FBXO11: variants seen among roughly 807,000 people sequenced by gnomAD.
FBXO11 encodes F-box only protein 11.
A neutral mutation model predicts 117.0 loss-of-function variants in FBXO11; 13 were observed. That is an observed-to-expected ratio of 0.11 (90% confidence interval 0.07 to 0.18). The LOEUF is 0.18. Ranked by LOEUF, FBXO11 falls within the 10% of genes least tolerant of loss-of-function variation. The pLI, the probability that FBXO11 is intolerant of heterozygous loss-of-function variation, is 1.00. For missense variants in FBXO11, 767 were observed against 1,164.4 expected, an observed-to-expected ratio of 0.66 and a Z score of 4.97; for synonymous variants, 490 against 380.5, an observed-to-expected ratio of 1.29 and a Z score of -3.35.
At chr2:47,824,473 CAG>C (rs1671605552) in intron 11 of FBXO11, among the ~76,000 whole-genome samples, 2 of 152,120 alleles carry the variant, frequency 1.3e-5, no homozygotes, top group Admixed American at 6.5e-5. Flanking sequence ...GCCTGGACAA[CAG>C]AGTCTCAAAA....
rs753725779 is a variant in FBXO11, at chr2:47,832,637, T to C, written c.1195A>G (p.Thr399Ala). Residue 399 changes from threonine (T) to alanine (A), a missense_variant, in exon 10 of 23, where the codon ACC becomes GCC. By Grantham distance (58) the Thr-to-Ala change is moderately conservative. Around this residue, in one of 10 missense-constraint regions of FBXO11, gnomAD observed 123 missense variants for 145.0 expected, o/e 0.85. Transcript: ENST00000403359. Reference sequence around the variant, plus strand: ...TCACTGATGTTACAGTGCTTGATGGTGGGACATGCTCCTTGACCACTAACA... The same window carrying C: ...TCACTGATGTTACAGTGCTTGATGGCGGGACATGCTCCTTGACCACTAACA... The part of the protein sequence containing the change: ...VCVSGQGACP[T>A]IKHCNISDCE... The C allele has an allele frequency of 6.2e-7, 1 of 1,613,958 alleles. No individual in the cohort carries two copies. The highest frequency in any genetic ancestry group is 8.5e-7 in the Non-Finnish European group (1 of 1,179,948).
At chr2:47,884,075 C>T (rs1261418629) in intron 1 of FBXO11, among the ~76,000 whole-genome samples, 4 of 152,074 alleles carry the variant, frequency 2.6e-5, no homozygotes, top group Admixed American at 6.6e-5. Flanking sequence ...AAAAAGTTAG[C>T]CGGGCCTGTG....
rs1209566583 is a variant in FBXO11 at position 47,905,574 on chromosome 2, CGGCGGCGGCGGAGGCTGCTGCTGG to C, written c.123_146del (p.Pro45_Gln52del). ...GAGGCTGCTGCTGCTGCTGCTGCTGCGGCGGCGGCGGAGGCTGCTGCTGGGGCGGCTGCTGCTGGGGCGGCTGCG... is the reference window on the plus strand; with the variant it reads ...GAGGCTGCTGCTGCTGCTGCTGCTGCGGCGGCTGCTGCTGGGGCGGCTGCG... On this transcript the variant is annotated inframe_deletion, in exon 1 of 23. Coordinates refer to ENST00000403359, the MANE Select transcript of FBXO11 (RefSeq NM_001190274.2). 4.2e-5 allele frequency: 53 copies of C among 1,252,166 alleles called. No homozygotes were observed. Among genetic ancestry groups the C allele is most frequent in the Non-Finnish European group, 4.9e-5 (49 of 1,001,354 alleles). The allele number at this position is 1,252,166 out of a possible 1,614,324, so 77.6% of individuals were successfully genotyped here. A position where few individuals can be genotyped will look rare whatever the true frequency, so the allele number is the denominator to read the frequency against.
intron 1 of FBXO11, among the ~76,000 whole-genome samples, chr2:47,870,683 T>C (rs1057109060): frequency 1.4e-4 from 21 of 152,200 alleles, no homozygotes; most frequent in African/African-American, 4.8e-4. Context: ...TAAACAGAAG[T>C]GTAAGAGAAT....
rs1170183575 is a variant in FBXO11, at chr2:47,906,450, G to T, written c.-730C>A. Among the ~76,000 whole-genome samples, 1 of 152,074 alleles carries T rather than the reference G, an allele frequency of 6.6e-6. No homozygotes were observed. Among genetic ancestry groups the T allele is most frequent in the African/African-American group, 2.4e-5 (1 of 41,428 alleles). ...CCCTGTCGCCGCTGCTTCTGCTGCT[G>T]CTCCGTGGCAGGAGGAGCCATTGAC... On this transcript the variant is annotated 5_prime_UTR_variant, in exon 1 of 23. Coordinates refer to ENST00000403359, the MANE Select transcript of FBXO11 (RefSeq NM_001190274.2).
At chr2:47,884,168 G>A (rs1041300802) in intron 1 of FBXO11, among the ~76,000 whole-genome samples, 2 of 152,154 alleles carry the variant, frequency 1.3e-5, no homozygotes, top group Admixed American at 6.5e-5. Context: ...TCAGTGAGCC[G>A]AGATTGTGCC....
At chr2:47,810,867 G>C (rs1212819499) in intron 18 of FBXO11, 1 of 152,792 alleles carries the variant, frequency 6.5e-6, no homozygotes, top group East Asian at 1.9e-4. Context: ...CTTTATTCCA[G>C]TTTCATCTGC....
chr2:47,862,985 G>A (rs529539773), intron 1 of FBXO11, among the ~76,000 whole-genome samples: 1 of 150,310 alleles, frequency 6.7e-6, no homozygotes, highest in Admixed American at 6.6e-5. Flanking sequence ...AACCCCGGAA[G>A]TGAAAGTTGC....
intron 16 of FBXO11, among the ~76,000 whole-genome samples, chr2:47,817,747 TGGCTGCTTG>T (rs1468092325): frequency 6.6e-6 from 1 of 152,234 alleles, no homozygotes; most frequent in African/African-American, 2.4e-5. Flanking sequence ...GAGATGGGAA[TGGCTGCTTG>T]GTGGAACAGT....
intron 11 of FBXO11, among the ~76,000 whole-genome samples, chr2:47,825,927 C>T (rs1399466729): frequency 6.6e-6 from 1 of 151,890 alleles, no homozygotes; most frequent in Admixed American, 6.6e-5. Context: ...AATTTGATAC[C>T]TCTGAATGCA....
At chr2:47,891,702 T>C (rs1473550522) in intron 1 of FBXO11, among the ~76,000 whole-genome samples, 4 of 152,218 alleles carry the variant, frequency 2.6e-5, no homozygotes, top group South Asian at 2.1e-4. Flanking sequence ...CCACACTGTT[T>C]TCCATAATAG....
At chr2:47,828,616 A>C (rs1165407177) in intron 11 of FBXO11, among the ~76,000 whole-genome samples, 1 of 152,016 alleles carries the variant, frequency 6.6e-6, no homozygotes, top group Non-Finnish European at 1.5e-5. Flanking sequence ...TCTCAAAAAA[A>C]AAAAAAAGAC....
intron 1 of FBXO11, among the ~76,000 whole-genome samples, chr2:47,869,548 T>A (rs1335283608): frequency 1.3e-5 from 2 of 152,214 alleles, no homozygotes; most frequent in Admixed American, 1.3e-4. Flanking sequence ...CAGGTGGGAC[T>A]ACTAATGGCC....
intron 1 of FBXO11, among the ~76,000 whole-genome samples, chr2:47,851,820 G>A (rs1184778653): frequency 6.6e-6 from 1 of 152,160 alleles, no homozygotes; most frequent in African/African-American, 2.4e-5. Context: ...AGTGAAGTAT[G>A]AAAAGCAAAA....
chr2:47,891,705 CATA>C (rs1181077252), intron 1 of FBXO11, among the ~76,000 whole-genome samples: 1 of 152,124 alleles, frequency 6.6e-6, no homozygotes, highest in Non-Finnish European at 1.5e-5. Context: ...CACTGTTTTC[CATA>C]ATAGTTACAC....
intron 1 of FBXO11, among the ~76,000 whole-genome samples, chr2:47,898,744 G>C (rs1156626958): frequency 6.6e-6 from 1 of 152,138 alleles, no homozygotes; most frequent in Admixed American, 6.5e-5. Flanking sequence ...CAATAGGACA[G>C]ATGGTATAGA....
At position 47,813,086 on chromosome 2, in the gene FBXO11, C is replaced by G. The variant is rs1054290856; in HGVS notation, c.2227+148G>C. ...AACATTTGTCTCTTAACTCTAGGCA[C>G]TAATCTCCTAAACCAGTTCAACTTG... On this transcript the variant is annotated intron_variant, in intron 18 of 22. Coordinates refer to ENST00000403359, the MANE Select transcript of FBXO11 (RefSeq NM_001190274.2). 6.0e-6 allele frequency: 5 copies of G among 828,044 alleles called. No individual in the cohort carries two copies. In the African/African-American group the frequency reaches 6.8e-5, roughly 11 times the overall value. 51.3% of individuals were successfully genotyped at this position (828,044 alleles called of 1,614,324 possible).
Position 47,813,313 on chromosome 2 carries a change from T to C in FBXO11, c.2148A>G (p.Thr716=), listed in dbSNP as rs1286950377. The C allele has an allele frequency of 1.2e-6, 2 of 1,611,954 alleles. No homozygotes were observed. The highest frequency in any genetic ancestry group is 2.2e-5 in the East Asian group (1 of 44,814). ...DNAMAGVWIK[T]DSNPTLRRNK... ...TTCTTCTTAGTGTAGGATTACTATC[T>C]GTCTTAATCCAGACTCCAGCCATTG... is the stretch of plus-strand genomic sequence containing the variant. The change falls in exon 18 of 23, where the codon ACA becomes ACG. Residue 716 remains threonine, a synonymous_variant. Transcript: ENST00000403359.
At chr2:47,812,256 ATC>A (rs1012655721) in intron 18 of FBXO11, among the ~76,000 whole-genome samples, 6 of 152,212 alleles carry the variant, frequency 3.9e-5, no homozygotes, top group African/African-American at 1.4e-4. Flanking sequence ...CATTTAGCAT[ATC>A]TCTAGCATCT....
Sources: allele counts gnomAD v4.1 joint callset (sites outside exome capture counted in the v4.1 genomes callset), GRCh38; gene constraint gnomAD v4.1.1; regional missense constraint gnomAD v4.1.1; transcripts MANE v1.5; gene names NCBI Gene and HGNC (gene_info 2026-07-23, HGNC 2026-07-21).